KAT6A: variants seen among roughly 807,000 people sequenced by gnomAD.
KAT6A encodes lysine acetyltransferase 6A, also known as histone acetyltransferase KAT6A.
Under a neutral mutation model 198.4 loss-of-function variants are expected in KAT6A, and 9 were observed. That is an observed-to-expected ratio of 0.05 (90% CI 0.03 to 0.08). KAT6A has a LOEUF of 0.08. Among genes scored for constraint, KAT6A ranks in the 10% least tolerant of loss-of-function variants. The probability of loss-of-function intolerance (pLI) is 1.00; values close to 1 mark genes in which losing one functional copy is unlikely to be tolerated. For missense variants in KAT6A, 2,077 were observed against 2,509.9 expected (o/e 0.83, Z 3.69); for synonymous variants, 890 against 883.0 (o/e 1.01, Z -0.14).
At chr8:41,955,257 G>C in intron 9 of KAT6A, 39 bp downstream of exon 9, 1 of 1,223,408 alleles carries the variant, frequency 8.2e-7, no homozygotes, top group Non-Finnish European at 1.2e-6. Flanking sequence ...GACTTCTATG[G>C]ATCTCAAAAC....
chr8:42,027,708 A>G (rs910822059), intron 2 of KAT6A, among the ~76,000 whole-genome samples: 1 of 151,930 alleles, frequency 6.6e-6, no homozygotes, highest in African/African-American at 2.4e-5. Flanking sequence ...CTAGCAGTTT[A>G]TCAATTTTGT....
chr8:41,966,887 AAT>A (rs1353346138), intron 8 of KAT6A, among the ~76,000 whole-genome samples: 3 of 152,138 alleles, frequency 2.0e-5, no homozygotes, highest in African/African-American at 7.2e-5. Flanking sequence ...CCTAAGTTTT[AAT>A]TTCGGCTCCA....
chr8:42,030,575 T>A (rs930723481), intron 2 of KAT6A, among the ~76,000 whole-genome samples: 8 of 151,978 alleles, frequency 5.3e-5, no homozygotes, highest in Non-Finnish European at 8.8e-5. Context: ...TATTATTATT[T>A]TTTTTTTGAG....
intron 2 of KAT6A, among the ~76,000 whole-genome samples, chr8:42,007,132 C>T (rs947246309): frequency 3.3e-5 from 5 of 151,948 alleles, no homozygotes; most frequent in African/African-American, 9.7e-5. Flanking sequence ...TAGGAAATAC[C>T]GTGTGCTGAA....
chr8:41,982,084 C>A (rs1197300734), intron 3 of KAT6A, 130 bp from the exon 4 acceptor site: 3 of 579,438 alleles, frequency 5.2e-6, no homozygotes, highest in Non-Finnish European at 6.3e-6. Flanking sequence ...GCAAGATGCA[C>A]CAGGAAGCCT....
chr8:41,998,241 C>T (rs2150900657), intron 2 of KAT6A, among the ~76,000 whole-genome samples: 1 of 152,252 alleles, frequency 6.6e-6, no homozygotes, highest in South Asian at 2.1e-4. Flanking sequence ...CATATTTTCA[C>T]TCACACACCA....
intron 3 of KAT6A, among the ~76,000 whole-genome samples, chr8:41,986,230 C>T (rs1230621136): frequency 2.6e-5 from 4 of 152,190 alleles, no homozygotes; most frequent in South Asian, 2.1e-4. Context: ...TAAGCCACTG[C>T]GCCTGGCCGA....
intron 2 of KAT6A, among the ~76,000 whole-genome samples, chr8:42,024,372 C>G (rs934016746): frequency 6.6e-6 from 1 of 152,116 alleles, no homozygotes; most frequent in African/African-American, 2.4e-5. Context: ...TATTTTGATA[C>G]CTGCATACAA....
intron 2 of KAT6A, among the ~76,000 whole-genome samples, chr8:42,009,504 T>A (rs1213091454): frequency 6.6e-6 from 1 of 151,688 alleles, no homozygotes. Context: ...AAAGGTGACA[T>A]GTGACCCTGA....
intron 12 of KAT6A, among the ~76,000 whole-genome samples, 191 bp from the exon 13 acceptor site, chr8:41,944,170 A>G (rs1822270719): frequency 1.3e-5 from 2 of 152,172 alleles, no homozygotes; most frequent in Admixed American, 1.3e-4. Context: ...CATAATTTAT[A>G]TATATTGAAG....
intron 2 of KAT6A, among the ~76,000 whole-genome samples, chr8:42,010,625 C>T (rs548046616): frequency 1.1e-4 from 16 of 152,298 alleles, no homozygotes; most frequent in African/African-American, 3.8e-4. Context: ...TATCACCTCC[C>T]CATCACTGGG....
intron 9 of KAT6A, among the ~76,000 whole-genome samples, chr8:41,951,099 T>C (rs1361901746): frequency 6.6e-6 from 1 of 151,888 alleles, no homozygotes; most frequent in Non-Finnish European, 1.5e-5. Context: ...TACTATCAAG[T>C]CTTCTCCAGT....
intron 8 of KAT6A, among the ~76,000 whole-genome samples, chr8:41,967,274 A>AGATTTATTTATTTATTT (rs1554686629): frequency 1.4e-5 from 2 of 142,798 alleles, no homozygotes; most frequent in Non-Finnish European, 3.0e-5. Context: ...TAAAAAAAAA[A>AGATTTATTTATTTATTT]ATTTATTTAT....
Position 41,984,876 on chromosome 8 carries a change from C to T in KAT6A, c.709+2579G>A, listed in dbSNP as rs532283171. Among the ~76,000 whole-genome samples, 17 of 151,056 alleles carry T rather than the reference C, an allele frequency of 1.1e-4. No homozygotes were observed. In the East Asian group the frequency reaches 2.2e-3, roughly 19 times the overall value. On this transcript the variant is annotated intron_variant, in intron 3 of 16. Coordinates refer to ENST00000265713, the MANE Select transcript of KAT6A (RefSeq NM_006766.5). ...CAGGCACCTGTAATCCCAGCTACTC[C>T]GGAGGCTGAGGCAGGAGAATGGCGT...
rs180704516 is a variant in KAT6A at position 42,006,957 on chromosome 8, C to A, written c.601-19394G>T. On this transcript the variant is annotated intron_variant, in intron 2 of 16. Transcript: ENST00000265713. ...GTTGCAGTGAGTCAAGATCATGCCA[C>A]TGCACTCCAGCCTGGATGACAGAGC... 6.7e-3 allele frequency among the ~76,000 whole-genome samples: 932 copies of A among 139,306 alleles called. 11 individuals carry two copies. The highest frequency in any genetic ancestry group is 0.024 in the African/African-American group (855 of 36,324). 91.4% of individuals were successfully genotyped at this position (139,306 alleles called of 152,430 possible).
rs1228964940 is a variant in KAT6A at position 41,934,460 on chromosome 8, G to A, written c.3760C>T (p.Pro1254Ser). ...TCAGGACTATTGCTGCTGTCTGCTG[G>A]AGAGGCTGCTGGGACTTCACTGCTG... is the stretch of plus-strand genomic sequence containing the variant. The part of the protein sequence containing the change: ...AASSEVPAAS[P>S]ADSSNSPETE... The change falls in exon 17 of 17, where the codon CCA (proline) becomes TCA (serine). Residue 1254 changes from proline (P) to serine (S), a missense_variant. Pro to Ser is a moderately conservative substitution (Grantham distance 74). This residue lies in a region of KAT6A where 375 missense variants were observed against 383.0 expected (regional missense o/e 0.98). Transcript: ENST00000265713. 1.2e-6 allele frequency: 2 copies of A among 1,607,730 alleles called. No homozygotes were observed. Among genetic ancestry groups the A allele is most frequent in the Non-Finnish European group, 1.7e-6 (2 of 1,176,838 alleles).
intron 7 of KAT6A, 54 bp downstream of exon 7, chr8:41,976,954 G>A (rs750248669): frequency 1.4e-4 from 185 of 1,352,058 alleles, no homozygotes; most frequent in Middle Eastern, 1.9e-4. Context: ...GTGTTATCCC[G>A]AATAATACAT....
At chr8:42,051,336 G>C (rs1014719507) in intron 1 of KAT6A, among the ~76,000 whole-genome samples, 3 of 151,698 alleles carry the variant, frequency 2.0e-5, no homozygotes, top group African/African-American at 7.3e-5. Flanking sequence ...CGGCCTGTCA[G>C]CCCCGCTCGC....
In KAT6A at chr8:41,981,825, G is replaced by A; in HGVS notation, c.825+14C>T. 6.7e-7 allele frequency: 1 copy of A among 1,500,254 alleles called. No individual in the cohort carries two copies. Among genetic ancestry groups the A allele is most frequent in the Non-Finnish European group, 9.3e-7 (1 of 1,076,660 alleles). 92.9% of individuals were successfully genotyped at this position (1,500,254 alleles called of 1,614,324 possible). On this transcript the variant is annotated intron_variant, in intron 4 of 16. Coordinates refer to ENST00000265713, the MANE Select transcript of KAT6A (RefSeq NM_006766.5). ...CTAAATGAAACACCCATATTAGAAGGCAGAGATACTCACCGCATTTTTGCC... is the reference window on the plus strand; with the variant it reads ...CTAAATGAAACACCCATATTAGAAGACAGAGATACTCACCGCATTTTTGCC...
Sources: allele counts gnomAD v4.1 joint callset (sites outside exome capture counted in the v4.1 genomes callset), GRCh38; gene constraint gnomAD v4.1.1; regional missense constraint gnomAD v4.1.1; transcripts MANE v1.5; gene names NCBI Gene and HGNC (gene_info 2026-07-23, HGNC 2026-07-21).